The following EFHC2 variants were observed in gnomAD, a reference collection of about 807,000 sequenced individuals.
EFHC2 encodes EF-hand domain-containing family member C2.
EFHC2 carries 18 observed loss-of-function variants against 52.7 expected under a neutral mutation model. The observed-to-expected ratio is 0.34, with a 90% CI of 0.24 to 0.51. The LOEUF (loss-of-function observed/expected upper bound fraction) is 0.51, where lower values mean the gene tolerates loss of function less well. Among genes scored for constraint, EFHC2 ranks in the 20% least tolerant of loss-of-function variants. The pLI is 0.97. For synonymous variants in EFHC2, 203 were observed against 204.1 expected, an observed-to-expected ratio of 0.99 and a Z score of 0.04; for missense variants, 513 against 562.5, an observed-to-expected ratio of 0.91 and a Z score of 0.89.
chrX:44,336,380 G>C (rs916468991), intron 1 of EFHC2, among the ~76,000 whole-genome samples: 1 of 105,428 alleles, frequency 9.5e-6, no homozygotes, highest in African/African-American at 3.5e-5. Context: ...GTGAGACTCA[G>C]TCTCAAAAAA....
intron 1 of EFHC2, among the ~76,000 whole-genome samples, chrX:44,337,877 T>A (rs1046226279): frequency 4.3e-4 from 48 of 112,259 alleles, no homozygotes; most frequent in African/African-American, 1.5e-3. Flanking sequence ...TATCTCATCT[T>A]GATTTTAATT....
At chrX:44,262,626 A>G (rs757849003) in intron 3 of EFHC2, among the ~76,000 whole-genome samples, 1 of 111,184 alleles carries the variant, frequency 9.0e-6, no homozygotes, top group South Asian at 3.8e-4. Flanking sequence ...TTAGCCTTCC[A>G]TAGTTTCATG....
rs1262740848 is a variant in EFHC2, at chrX:44,154,362, T to C, written c.2149-5466A>G. Among the ~76,000 whole-genome samples the C allele has an allele frequency of 2.7e-5, 3 of 111,919 alleles. No individual in the cohort carries two copies. The South Asian group carries it at 1.1e-3, about 42-fold the overall frequency. ...TGAATACCGCAGCTCCCTTGCACTT[T>C]GGGTGGGATGACTCTGAAGTGTCAG... On this transcript the variant is annotated intron_variant, in intron 14 of 14. Coordinates refer to ENST00000420999, the MANE Select transcript of EFHC2 (RefSeq NM_025184.4).
At chrX:44,218,904 G>A (rs2037171783) in intron 11 of EFHC2, among the ~76,000 whole-genome samples, 1 of 111,126 alleles carries the variant, frequency 9.0e-6, no homozygotes, top group Non-Finnish European at 1.9e-5. Context: ...TTCAGACCAG[G>A]TTTATTCATA....
chrX:44,169,039 T>C (rs986673199), intron 13 of EFHC2, among the ~76,000 whole-genome samples: 1 of 109,514 alleles, frequency 9.1e-6, no homozygotes, highest in Non-Finnish European at 1.9e-5. Context: ...CAGGGAAAGA[T>C]GTGAGATATG....
At chrX:44,215,542 T>G (rs1277155209) in intron 11 of EFHC2, among the ~76,000 whole-genome samples, 22 of 93,354 alleles carry the variant, frequency 2.4e-4, no homozygotes, top group Non-Finnish European at 3.2e-4. Flanking sequence ...GGGGGGGTGG[T>G]GGGTGTTGGA....
chrX:44,181,749 G>C (rs2036836968), intron 11 of EFHC2, among the ~76,000 whole-genome samples: 2 of 112,624 alleles, frequency 1.8e-5, no homozygotes, highest in African/African-American at 3.2e-5. Flanking sequence ...GCCCACATGA[G>C]GCAGGTTCCT....
intron 11 of EFHC2, among the ~76,000 whole-genome samples, chrX:44,211,196 G>T (rs1480398781): frequency 8.9e-6 from 1 of 111,992 alleles, no homozygotes; most frequent in African/African-American, 3.2e-5. Context: ...AACTCTCCAA[G>T]ACTCCTGGTA....
At chrX:44,193,580 G>T (rs952875305) in intron 11 of EFHC2, among the ~76,000 whole-genome samples, 2 of 112,109 alleles carry the variant, frequency 1.8e-5, no homozygotes, top group African/African-American at 6.5e-5. Context: ...GCGTGGTTTA[G>T]TTTTTCTCTG....
chrX:44,188,152 T>A (rs2036891971), intron 11 of EFHC2, among the ~76,000 whole-genome samples: 1 of 106,981 alleles, frequency 9.3e-6, no homozygotes. Flanking sequence ...AGCAATTTTT[T>A]TTTTTTTTGG....
intron 2 of EFHC2, among the ~76,000 whole-genome samples, chrX:44,276,704 C>T (rs2147355579): frequency 8.9e-6 from 1 of 111,770 alleles, no homozygotes; most frequent in East Asian, 2.8e-4. Flanking sequence ...ATTGCATATC[C>T]CAAACAGCTG....
chrX:44,167,277 T>C (rs180896599), intron 13 of EFHC2, among the ~76,000 whole-genome samples: 55 of 112,283 alleles, frequency 4.9e-4, no homozygotes, highest in Non-Finnish European at 3.8e-5. Flanking sequence ...ATTTCAAATG[T>C]TGCTTCCTTA....
intron 2 of EFHC2, among the ~76,000 whole-genome samples, chrX:44,307,933 CAA>C (rs11305511): frequency 2.8e-4 from 26 of 92,609 alleles, no homozygotes; most frequent in Admixed American, 3.6e-4. Context: ...GACTTTGTCT[CAA>C]AAAAAAAAAA....
At chrX:44,204,502 G>A (rs2037032451) in intron 11 of EFHC2, among the ~76,000 whole-genome samples, 1 of 111,015 alleles carries the variant, frequency 9.0e-6, no homozygotes, top group African/African-American at 3.3e-5. Flanking sequence ...GGAAATGACA[G>A]ATGAAATAGA....
At chrX:44,315,653 T>C (rs1389566065) in intron 1 of EFHC2, among the ~76,000 whole-genome samples, 1 of 110,440 alleles carries the variant, frequency 9.1e-6, no homozygotes, top group Non-Finnish European at 1.9e-5. Context: ...ACTAGAGCCA[T>C]ACACTGATGT....
At chrX:44,154,899 G>C (rs1188024398) in intron 14 of EFHC2, among the ~76,000 whole-genome samples, 1 of 111,385 alleles carries the variant, frequency 9.0e-6, no homozygotes, top group African/African-American at 3.3e-5. Context: ...GAGGAAGTCA[G>C]ATGTAGATTC....
chrX:44,312,778 TA>T, intron 1 of EFHC2, 22 bp from the exon 2 acceptor site: 1 of 1,153,356 alleles, frequency 8.7e-7, no homozygotes, highest in Non-Finnish European at 1.2e-6. Flanking sequence ...AGAGACAACA[TA>T]AAATAGCCAA....
chrX:44,213,839 C>T (rs2037122269), intron 11 of EFHC2, among the ~76,000 whole-genome samples: 1 of 111,829 alleles, frequency 8.9e-6, no homozygotes, highest in South Asian at 3.8e-4. Flanking sequence ...CTGAACTAGT[C>T]CCTCAAGTTA....
In EFHC2 at chrX:44,159,900, GC is replaced by G. The variant is rs758701800; in HGVS notation, c.2148+4021del. On this transcript the variant is annotated intron_variant, in intron 14 of 14. Transcript: ENST00000420999. Reference sequence around the variant, plus strand: ...GAAAATAATAGCATCTAACACTTAAGCCCTTACTATGGGAGAGGTATTGTGG... The same window carrying G: ...GAAAATAATAGCATCTAACACTTAAGCCTTACTATGGGAGAGGTATTGTGG... Among the ~76,000 whole-genome samples, 3 of 112,780 alleles carry G rather than the reference GC, an allele frequency of 2.7e-5. No individual in the cohort carries two copies. In the South Asian group the frequency reaches 1.1e-3, roughly 41 times the overall value.
Sources: gnomAD v4.1 joint callset for allele counts (sites outside exome capture counted in the v4.1 genomes callset) on GRCh38, gnomAD v4.1.1 for gene constraint, MANE v1.5 for transcripts, NCBI Gene and HGNC (gene_info 2026-07-23, HGNC 2026-07-21) for gene names.